CLMP: variants seen among roughly 807,000 people sequenced by gnomAD.
CLMP encodes CXADR-like membrane protein.
In CLMP, 27 loss-of-function variants were observed where a neutral mutation model predicts 45.2. The observed-to-expected ratio is 0.60, with a 90% CI of 0.44 to 0.82. CLMP has a LOEUF of 0.82. CLMP is among the 40% of genes least tolerant of loss of function. The pLI is 0.00. For synonymous variants in CLMP, 167 were observed against 171.4 expected (o/e 0.97, Z 0.20); for missense variants, 403 against 448.4 (o/e 0.90, Z 0.91).
intron 2 of CLMP, among the ~76,000 whole-genome samples, chr11:123,085,334 C>A (rs929586662): frequency 6.6e-6 from 1 of 151,920 alleles, no homozygotes; most frequent in Admixed American, 6.6e-5. Flanking sequence ...CTGTAACCTC[C>A]GCTTCCTGGG....
intron 1 of CLMP, among the ~76,000 whole-genome samples, chr11:123,180,969 A>G (rs1170353745): frequency 6.6e-6 from 1 of 152,210 alleles, no homozygotes; most frequent in Non-Finnish European, 1.5e-5. Flanking sequence ...AGCAGCAAGC[A>G]GACTGGGGGC....
intron 5 of CLMP, among the ~76,000 whole-genome samples, chr11:123,078,659 T>G (rs1273002774): frequency 6.6e-6 from 1 of 150,776 alleles, no homozygotes; most frequent in Non-Finnish European, 1.5e-5. Flanking sequence ...TTTTTTTTTT[T>G]TTTGAGACAG....
At chr11:123,120,443 T>A (rs1320351720) in intron 1 of CLMP, among the ~76,000 whole-genome samples, 1 of 152,138 alleles carries the variant, frequency 6.6e-6, no homozygotes, top group African/African-American at 2.4e-5. Flanking sequence ...TTGGATGGCA[T>A]TATAAGATAA....
chr11:123,106,886 G>A (rs900800341), intron 1 of CLMP, among the ~76,000 whole-genome samples: 2 of 151,848 alleles, frequency 1.3e-5, no homozygotes, highest in African/African-American at 4.8e-5. Flanking sequence ...CCGGCGAGGT[G>A]GTGGGCGCCT....
At chr11:123,096,835 G>C (rs556787048) in intron 2 of CLMP, among the ~76,000 whole-genome samples, 8 of 152,226 alleles carry the variant, frequency 5.3e-5, no homozygotes, top group African/African-American at 1.7e-4. Flanking sequence ...TTTAGAAACA[G>C]TGTCTGGGTC....
intron 1 of CLMP, among the ~76,000 whole-genome samples, chr11:123,119,283 A>G (rs1256291853): frequency 6.6e-6 from 1 of 151,592 alleles, no homozygotes; most frequent in African/African-American, 2.4e-5. Flanking sequence ...GGGTTTCTCC[A>G]TGTTGGTCAG....
chr11:123,121,901 G>A (rs116013096), intron 1 of CLMP, among the ~76,000 whole-genome samples: 8 of 151,912 alleles, frequency 5.3e-5, no homozygotes, highest in Non-Finnish European at 8.8e-5. Flanking sequence ...GTGCCCTTGC[G>A]TCCGGCTAAT....
chr11:123,141,985 C>CTTTT (rs10714246), intron 1 of CLMP, among the ~76,000 whole-genome samples: 4 of 117,556 alleles, frequency 3.4e-5, no homozygotes, highest in East Asian at 2.3e-4. Flanking sequence ...TCCCCCCAGC[C>CTTTT]TTTTTTTTTT....
At chr11:123,168,531 C>A (rs1016928851) in intron 1 of CLMP, among the ~76,000 whole-genome samples, 5 of 152,210 alleles carry the variant, frequency 3.3e-5, no homozygotes, top group Admixed American at 6.5e-5. Context: ...TTTCTCCTTG[C>A]CACTCAATTG....
At position 123,084,656 on chromosome 11, in the gene CLMP, G is replaced by A. The variant is rs756079825; in HGVS notation, c.244C>T (p.Arg82Ter). 1.2e-6 allele frequency: 2 copies of A among 1,614,124 alleles called. No individual in the cohort carries two copies. Among genetic ancestry groups the A allele is most frequent in the Non-Finnish European group, 1.7e-6 (2 of 1,180,012 alleles). Residue 82 changes from arginine to a stop codon, truncating the protein, a stop_gained, in exon 3 of 7, where the codon CGA becomes TGA. Transcript: ENST00000448775. LOFTEE classifies it high-confidence loss of function. The part of the protein sequence containing the change: ...YNNLTEEQKG[R>*]VAFASNFLAG... ...AGGAAATTGGAAGCAAAGGCCACTC[G>A]GCCCTTCTGTTCCTCAGTCAAGTTA... is the stretch of plus-strand genomic sequence containing the variant.
At chr11:123,091,788 C>T (rs950951330) in intron 2 of CLMP, among the ~76,000 whole-genome samples, 1 of 152,186 alleles carries the variant, frequency 6.6e-6, no homozygotes, top group Non-Finnish European at 1.5e-5. Flanking sequence ...TAGGGAGAAA[C>T]AGCCTGCTAC....
intron 2 of CLMP, among the ~76,000 whole-genome samples, chr11:123,093,206 A>G (rs988385137): frequency 7.2e-5 from 11 of 151,996 alleles, no homozygotes; most frequent in African/African-American, 2.7e-4. Context: ...ACGCCCGGCC[A>G]TCACACACCT....
At position 123,073,345 on chromosome 11, in the gene CLMP, C is replaced by T. The variant is rs571453933; in HGVS notation, c.*129G>A. ...GGAAAATGCTCATCTGAATCTGTTC[C>T]GTGCAATGCTCACTGCTACTTAGAT... On this transcript the variant is annotated 3_prime_UTR_variant, in exon 7 of 7. Transcript: ENST00000448775. The T allele has an allele frequency of 1.1e-5, 11 of 1,002,856 alleles. No individual in the cohort carries two copies. The highest frequency in any genetic ancestry group is 4.8e-5 in the East Asian group (2 of 41,354). The allele number at this position is 1,002,856 out of a possible 1,614,324, so 62.1% of individuals were successfully genotyped here. A position where few individuals can be genotyped will look rare whatever the true frequency, so the allele number is the denominator to read the frequency against.
chr11:123,082,436 G>A (rs1262712478), intron 5 of CLMP, among the ~76,000 whole-genome samples: 3 of 152,114 alleles, frequency 2.0e-5, no homozygotes, highest in African/African-American at 7.2e-5. Context: ...AGCCTCCTGA[G>A]TAGCTGGGAT....
chr11:123,076,805 C>T (rs1320348904), intron 5 of CLMP, among the ~76,000 whole-genome samples: 4 of 151,992 alleles, frequency 2.6e-5, no homozygotes, highest in African/African-American at 9.7e-5. Flanking sequence ...TACACCATGG[C>T]TGCTCTAGGG....
At chr11:123,177,832 T>C (rs751513292) in intron 1 of CLMP, among the ~76,000 whole-genome samples, 2 of 152,162 alleles carry the variant, frequency 1.3e-5, no homozygotes, top group Non-Finnish European at 2.9e-5. Flanking sequence ...TCCCAAAAAA[T>C]CTTGTTTTTA....
intron 2 of CLMP, among the ~76,000 whole-genome samples, chr11:123,088,860 G>A (rs1453538683): frequency 6.6e-6 from 1 of 152,158 alleles, no homozygotes; most frequent in Non-Finnish European, 1.5e-5. Context: ...CTGACCTCAG[G>A]TGATCCACCC....
At chr11:123,157,445 C>G (rs1476852368) in intron 1 of CLMP, among the ~76,000 whole-genome samples, 1 of 152,140 alleles carries the variant, frequency 6.6e-6, no homozygotes, top group Non-Finnish European at 1.5e-5. Context: ...TCCAGCTACT[C>G]CAGAGGCTGA....
intron 1 of CLMP, among the ~76,000 whole-genome samples, chr11:123,119,519 T>A (rs969994906): frequency 3.9e-5 from 6 of 152,136 alleles, no homozygotes; most frequent in Non-Finnish European, 8.8e-5. Context: ...AGTTCACAAA[T>A]CTAATTAATT....
Sources: gnomAD v4.1 joint callset for allele counts (sites outside exome capture counted in the v4.1 genomes callset) on GRCh38, gnomAD v4.1.1 for gene constraint, MANE v1.5 for transcripts, NCBI Gene and HGNC (gene_info 2026-07-23, HGNC 2026-07-21) for gene names.